The following PCAT7 variants were observed in gnomAD, a reference collection of about 807,000 sequenced individuals.
The protein encoded by PCAT7 is prostate cancer associated transcript 7.
intron 1 of PCAT7, among the ~76,000 whole-genome samples, chr9:94,556,446 G>T (rs111497965): frequency 0.014 from 2,168 of 152,218 alleles, 54 homozygotes; most frequent in African/African-American, 0.049. Context: ...AAGAGAAAGG[G>T]TGGTGAGAGG....
At chr9:94,560,519 G>C (rs140588599) in intron 2 of PCAT7, among the ~76,000 whole-genome samples, 68 of 152,160 alleles carry the variant, frequency 4.5e-4, no homozygotes, top group African/African-American at 1.6e-3. Context: ...CTCCCCATCA[G>C]TGCAACCTGT....
chr9:94,555,202 G>A (rs1826989437), exon 1 of PCAT7: 1 of 152,056 alleles, frequency 6.6e-6, no homozygotes, highest in South Asian at 2.1e-4. Flanking sequence ...TAGAAGACCA[G>A]GAAAAGGAGT....
intron 2 of PCAT7, among the ~76,000 whole-genome samples, chr9:94,572,522 C>G (rs773748171): frequency 6.6e-6 from 1 of 152,182 alleles, no homozygotes; most frequent in Non-Finnish European, 1.5e-5. Context: ...CAGCGCTTGA[C>G]GCCATGAGCA....
intron 2 of PCAT7, chr9:94,570,434 A>G (rs1005276772): frequency 3.3e-5 from 5 of 152,220 alleles, no homozygotes; most frequent in African/African-American, 1.2e-4. Flanking sequence ...ATTGTAGGAC[A>G]TATCTCATAG....
chr9:94,561,194 T>C (rs902840784), intron 2 of PCAT7, among the ~76,000 whole-genome samples: 2 of 152,054 alleles, frequency 1.3e-5, no homozygotes, highest in Non-Finnish European at 2.9e-5. Context: ...TCAACTACTT[T>C]AATCAAAAAA....
At chr9:94,569,891 C>T (rs553827145) in intron 2 of PCAT7, 1 of 152,360 alleles carries the variant, frequency 6.6e-6, no homozygotes, top group East Asian at 1.9e-4. Context: ...AATGCTGCCT[C>T]CATAAGCTAC....
At position 94,562,267 on chromosome 9, in the gene PCAT7, GCCACTGCACT is replaced by G. The variant is rs1484010804; in HGVS notation, n.441+3119_441+3128del. Among the ~76,000 whole-genome samples the G allele has an allele frequency of 4.3e-5, 6 of 140,998 alleles. No individual in the cohort carries two copies. In the South Asian group the frequency reaches 6.7e-4, roughly 16 times the overall value. 92.5% of individuals were successfully genotyped at this position (140,998 alleles called of 152,430 possible). A position where few individuals can be genotyped will look rare whatever the true frequency, so the allele number is the denominator to read the frequency against. ...GGAGCTTGCAGTGAGCCTAGATGGT[GCCACTGCACT>G]CCAGCCTGGGCGACAGAGCAAGACT... On this transcript the variant is annotated intron_variant and non_coding_transcript_variant, in intron 2 of 8. Coordinates refer to ENST00000647389, the Ensembl canonical transcript of PCAT7.
intron 2 of PCAT7, chr9:94,570,443 A>G (rs1451701636): frequency 1.3e-5 from 2 of 152,226 alleles, no homozygotes; most frequent in Non-Finnish European, 2.9e-5. Flanking sequence ...CATATCTCAT[A>G]GGGCCACTGT....
At chr9:94,559,497 A>G (rs1352968057) in intron 2 of PCAT7, among the ~76,000 whole-genome samples, 1 of 151,030 alleles carries the variant, frequency 6.6e-6, no homozygotes, top group Non-Finnish European at 1.5e-5. Flanking sequence ...GGAAGCCTTT[A>G]TATGTGAGAC....
intron 2 of PCAT7, chr9:94,571,687 C>G (rs3864789): frequency 4.8e-6 from 6 of 1,237,428 alleles, no homozygotes; most frequent in Non-Finnish European, 6.6e-6. Context: ...CAGATCTCCT[C>G]GAATCACTGA....
Position 94,561,943 on chromosome 9 carries a change from T to C in PCAT7, n.441+2791T>C, listed in dbSNP as rs539695184. Among the ~76,000 whole-genome samples the C allele has an allele frequency of 2.6e-5, 4 of 152,280 alleles. No homozygotes were observed. In the South Asian group the frequency reaches 8.3e-4, roughly 32 times the overall value. ...TATTTTCTGACTCATTTACGATCAT[T>C]TGAATAATTAGTAATAACTGATCTT... On this transcript the variant is annotated intron_variant and non_coding_transcript_variant, in intron 2 of 8. Coordinates refer to ENST00000647389, the Ensembl canonical transcript of PCAT7.
intron 2 of PCAT7, chr9:94,570,680 TC>T (rs1827259167): frequency 6.6e-6 from 1 of 152,142 alleles, no homozygotes. Context: ...CAGCAATGGG[TC>T]TTGGTCTAAT....
intron 2 of PCAT7, chr9:94,571,372 A>G (rs1281888627): frequency 1.5e-6 from 2 of 1,315,788 alleles, no homozygotes; most frequent in Non-Finnish European, 2.0e-6. Context: ...AGTATTAGGA[A>G]TAACCAGGAC....
chr9:94,572,449 C>T (rs1003597098), intron 2 of PCAT7, among the ~76,000 whole-genome samples: 28 of 152,266 alleles, frequency 1.8e-4, no homozygotes, highest in African/African-American at 5.8e-4. Context: ...TTGTGATGTA[C>T]GTAGAAGCTT....
At chr9:94,572,713 AAC>A (rs775319125) in intron 2 of PCAT7, among the ~76,000 whole-genome samples, 3 of 152,022 alleles carry the variant, frequency 2.0e-5, no homozygotes, top group African/African-American at 7.2e-5. Context: ...ACACACACAC[AAC>A]ACACACATGA....
intron 2 of PCAT7, among the ~76,000 whole-genome samples, chr9:94,564,868 G>A (rs1827163040): frequency 6.6e-6 from 1 of 152,112 alleles, no homozygotes; most frequent in South Asian, 2.1e-4. Flanking sequence ...ATAGTGTTCT[G>A]AACCACTGTA....
intron 3 of PCAT7, among the ~76,000 whole-genome samples, chr9:94,573,232 C>T (rs1174441842): frequency 4.6e-5 from 7 of 152,128 alleles, no homozygotes; most frequent in Non-Finnish European, 8.8e-5. Context: ...AGTTAAGGGA[C>T]GCTCCTCCTC....
intron 2 of PCAT7, among the ~76,000 whole-genome samples, chr9:94,562,919 C>T (rs888875560): frequency 3.9e-5 from 6 of 152,270 alleles, no homozygotes; most frequent in South Asian, 4.1e-4. Flanking sequence ...ACTCCCTCAA[C>T]GTGTAATTTG....
intron 2 of PCAT7, among the ~76,000 whole-genome samples, chr9:94,561,611 C>A: frequency 1.3e-5 from 2 of 152,172 alleles, no homozygotes; most frequent in African/African-American, 4.8e-5. Context: ...GTGATCCACC[C>A]GCCTTGGCCT....
Sources: gnomAD v4.1 joint callset for allele counts (sites outside exome capture counted in the v4.1 genomes callset) on GRCh38, gnomAD v4.1.1 for gene constraint, MANE v1.5 for transcripts, NCBI Gene and HGNC (gene_info 2026-07-23, HGNC 2026-07-21) for gene names.